OSBPL10: variants seen among roughly 807,000 people sequenced by gnomAD.
The protein encoded by OSBPL10 is oxysterol binding protein like 10.
In OSBPL10, 49 loss-of-function variants were observed where a neutral mutation model predicts 81.7. That is an observed-to-expected ratio of 0.60 (90% confidence interval 0.48 to 0.76). The LOEUF is 0.76. Ranked by LOEUF, OSBPL10 falls within the 30% of genes least tolerant of loss-of-function variation. OSBPL10 has a pLI of 0.00. For synonymous variants in OSBPL10, 419 were observed against 383.6 expected (o/e 1.09, Z -1.08); for missense variants, 923 against 987.8 (o/e 0.93, Z 0.88).
chr3:31,742,936 T>TG (rs551069876), intron 5 of OSBPL10, among the ~76,000 whole-genome samples: 116 of 151,666 alleles, frequency 7.6e-4, no homozygotes, highest in African/African-American at 2.7e-3. Context: ...GTCCAGCAAC[T>TG]GTTTGCCTCC....
chr3:31,939,056 C>G (rs759408393), intron 1 of OSBPL10, among the ~76,000 whole-genome samples: 4 of 152,062 alleles, frequency 2.6e-5, no homozygotes, highest in Middle Eastern at 3.2e-3. Context: ...CACTAGACTT[C>G]CCAGGCATTT....
intron 6 of OSBPL10, chr3:31,732,509 G>T (rs912733070): frequency 6.6e-6 from 1 of 152,198 alleles, no homozygotes; most frequent in African/African-American, 2.4e-5. Context: ...GCCTCCGCCA[G>T]TTCAAGAGAC....
chr3:31,840,709 A>C (rs1700470622), intron 3 of OSBPL10, among the ~76,000 whole-genome samples: 1 of 152,204 alleles, frequency 6.6e-6, no homozygotes, highest in South Asian at 2.1e-4. Context: ...TTTGGCCAGG[A>C]CCTTAGAAGC....
chr3:31,873,031 G>A (rs1701370039), intron 3 of OSBPL10, among the ~76,000 whole-genome samples: 1 of 152,198 alleles, frequency 6.6e-6, no homozygotes, highest in African/African-American at 2.4e-5. Context: ...CCAATCAGCA[G>A]TTGCCAGTTG....
rs769147991 is a variant in OSBPL10 at position 31,990,622 on chromosome 3, T to C, written n.298+55869A>G. On this transcript the variant is annotated intron_variant and non_coding_transcript_variant, in intron 2 of 3. Coordinates refer to the OSBPL10 transcript ENST00000479173. ...AGAGAAACCTTACAAGTGTAATGAA[T>C]GTGGCAAGGTTTTTAATCAACAAGC... The C allele has an allele frequency of 8.1e-6, 13 of 1,614,068 alleles. No homozygotes were observed. The East Asian group carries it at 2.5e-4, about 30-fold the overall frequency.
At chr3:31,667,459 ATAATG>A (rs1216410583) in intron 10 of OSBPL10, among the ~76,000 whole-genome samples, 50 of 152,276 alleles carry the variant, frequency 3.3e-4, no homozygotes, top group African/African-American at 1.2e-3. Flanking sequence ...AGTTATTAAT[ATAATG>A]TATTATTTAT....
Position 31,788,091 on chromosome 3 carries a change from G to GT in OSBPL10, c.730-39972dup, listed in dbSNP as rs202185039. Among the ~76,000 whole-genome samples, 488 of 151,918 alleles carry GT rather than the reference G, an allele frequency of 3.2e-3. 8 individuals carry two copies. Among genetic ancestry groups the GT allele is most frequent in the Admixed American group, 3.9e-3 (60 of 15,240 alleles). On this transcript the variant is annotated intron_variant, in intron 4 of 11. Transcript: ENST00000396556. ...CAAAGGACATATTGATTAGGTTATTGTTTTTTTTCTCCCAGAAAAGGTGAC... is the reference window on the plus strand; with the variant it reads ...CAAAGGACATATTGATTAGGTTATTGTTTTTTTTTCTCCCAGAAAAGGTGAC...
Position 32,043,962 on chromosome 3 carries a change from ATGCTCACTACCTATTGGGTACTG to A in OSBPL10, n.298+2506_298+2528del, listed in dbSNP as rs1200504471. Reference sequence around the variant, plus strand: ...GCTGAAAAACTACCTATTGGGTACTATGCTCACTACCTATTGGGTACTGTGCTCACTACCTATTGGGTACTGTG... The same window carrying A: ...GCTGAAAAACTACCTATTGGGTACTATGCTCACTACCTATTGGGTACTGTG... On this transcript the variant is annotated intron_variant and non_coding_transcript_variant, in intron 2 of 3. Transcript: ENST00000479173. 8.9e-3 allele frequency among the ~76,000 whole-genome samples: 1,356 copies of A among 152,084 alleles called. 13 individuals carry two copies. The highest frequency in any genetic ancestry group is 0.012 in the African/African-American group (483 of 41,466).
At chr3:31,748,334 A>C (rs922531072) in intron 4 of OSBPL10, among the ~76,000 whole-genome samples, 2 of 152,206 alleles carry the variant, frequency 1.3e-5, no homozygotes, top group Admixed American at 6.5e-5. Flanking sequence ...GAATTTGTCA[A>C]CTTTCAAGCT....
intron 4 of OSBPL10, among the ~76,000 whole-genome samples, chr3:31,766,337 GTTTTTTTTTGT>G (rs1220007254): frequency 3.7e-5 from 1 of 26,830 alleles, no homozygotes; most frequent in East Asian, 3.5e-3. Flanking sequence ...TTGTTTTTTT[GTTTTTTTTTGT>G]TTTTTTTTTG....
chr3:31,916,694 T>C (rs528405636), intron 1 of OSBPL10, among the ~76,000 whole-genome samples: 1 of 152,194 alleles, frequency 6.6e-6, no homozygotes, highest in African/African-American at 2.4e-5. Flanking sequence ...CAAAATCACC[T>C]TTCCCTGATA....
In OSBPL10 at chr3:31,995,145, G is replaced by A. The variant is rs149686815; in HGVS notation, n.298+51346C>T. On this transcript the variant is annotated intron_variant and non_coding_transcript_variant, in intron 2 of 3. Transcript: ENST00000479173. Reference sequence around the variant, plus strand: ...TAAGGGTCTATGTTCAGCAGTGCACGTATTGTCTTGATAAACATCTTAACA... The same window carrying A: ...TAAGGGTCTATGTTCAGCAGTGCACATATTGTCTTGATAAACATCTTAACA... Among the ~76,000 whole-genome samples the A allele has an allele frequency of 5.9e-3, 905 of 152,292 alleles. 10 individuals are homozygous for A. The highest frequency in any genetic ancestry group is 0.02 in the African/African-American group (845 of 41,558).
chr3:31,903,876 G>A (rs953082705), intron 1 of OSBPL10, among the ~76,000 whole-genome samples: 1 of 152,136 alleles, frequency 6.6e-6, no homozygotes, highest in Non-Finnish European at 1.5e-5. Flanking sequence ...GGATGGGAGG[G>A]AAACACTTGT....
intron 3 of OSBPL10, among the ~76,000 whole-genome samples, chr3:31,841,954 TAAA>T (rs373098349): frequency 6.6e-6 from 1 of 152,128 alleles, no homozygotes; most frequent in Non-Finnish European, 1.5e-5. Flanking sequence ...GCATGACAAC[TAAA>T]AAAGAGTAAA....
At chr3:31,978,191 G>T (rs1210856721) in intron 1 of OSBPL10, among the ~76,000 whole-genome samples, 1 of 152,188 alleles carries the variant, frequency 6.6e-6, no homozygotes, top group Non-Finnish European at 1.5e-5. Flanking sequence ...AGCCTGAGAG[G>T]ATGAACCAAG....
At position 32,060,971 on chromosome 3, in the gene OSBPL10, C is replaced by T; in HGVS notation, n.186-14368G>A. On this transcript the variant is annotated intron_variant and non_coding_transcript_variant, in intron 1 of 3. Transcript: ENST00000479173. Reference sequence around the variant, plus strand: ...CTGGGCAACAAGAGCAAAACTCCGCCTCAAAAAAAAAAAAAAAACCCTCAG... The same window carrying T: ...CTGGGCAACAAGAGCAAAACTCCGCTTCAAAAAAAAAAAAAAAACCCTCAG... Among the ~76,000 whole-genome samples, 2 of 36,072 alleles carry T rather than the reference C, an allele frequency of 5.5e-5. 1 individual carries two copies. Among genetic ancestry groups the T allele is most frequent in the Non-Finnish European group, 1.9e-4 (2 of 10,768 alleles). The allele number at this position is 36,072 out of a possible 152,430, so 23.7% of individuals were successfully genotyped here. A position where few individuals can be genotyped will look rare whatever the true frequency, so the allele number is the denominator to read the frequency against.
intron 4 of OSBPL10, among the ~76,000 whole-genome samples, chr3:31,769,218 A>C (rs551335122): frequency 9.2e-5 from 14 of 152,136 alleles, no homozygotes; most frequent in African/African-American, 3.4e-4. Context: ...CGAGGCGGGC[A>C]GATCACCTGA....
chr3:31,820,611 A>T (rs906982931), intron 4 of OSBPL10, among the ~76,000 whole-genome samples: 12 of 152,040 alleles, frequency 7.9e-5, no homozygotes, highest in East Asian at 7.7e-4. Flanking sequence ...AAAAAAAAAA[A>T]TTTCAACATA....
chr3:31,686,277 C>CTAA (rs1419643183), intron 7 of OSBPL10, among the ~76,000 whole-genome samples: 1 of 152,104 alleles, frequency 6.6e-6, no homozygotes, highest in Admixed American at 6.5e-5. Context: ...ACTAAAGGGA[C>CTAA]TAATACAGAT....
Sources: allele counts gnomAD v4.1 joint callset (sites outside exome capture counted in the v4.1 genomes callset), GRCh38; gene constraint gnomAD v4.1.1; transcripts MANE v1.5; gene names NCBI Gene and HGNC (gene_info 2026-07-23, HGNC 2026-07-21).